ESRP1: variants seen among roughly 807,000 people sequenced by gnomAD.
ESRP1 encodes RNA-binding motif protein 35A.
Under a neutral mutation model 81.7 loss-of-function variants are expected in ESRP1, and 33 were observed. The observed-to-expected ratio is 0.40, with a 90% CI of 0.31 to 0.54. The LOEUF is 0.54. Among genes scored for constraint, ESRP1 ranks in the 20% least tolerant of loss-of-function variants. The pLI is 0.41. For missense variants in ESRP1, 672 were observed against 833.1 expected (o/e 0.81, Z 2.38); for synonymous variants, 320 against 303.3 (o/e 1.06, Z -0.57).
At chr8:94,690,409 AG>A (rs1373453103) in intron 13 of ESRP1, among the ~76,000 whole-genome samples, 1 of 150,344 alleles carries the variant, frequency 6.7e-6, no homozygotes, top group Non-Finnish European at 1.5e-5. Context: ...CTGGGATCAC[AG>A]GTATGAGCCA....
intron 13 of ESRP1, among the ~76,000 whole-genome samples, chr8:94,680,521 G>A (rs549602484): frequency 2.1e-4 from 32 of 152,096 alleles, no homozygotes; most frequent in African/African-American, 6.8e-4. Context: ...TCCGCCTCCC[G>A]GGATCAAGCT....
chr8:94,702,552 A>G (rs901370573), intron 15 of ESRP1, among the ~76,000 whole-genome samples: 21 of 152,196 alleles, frequency 1.4e-4, no homozygotes, highest in Admixed American at 1.2e-3. Flanking sequence ...TTTTCCATTT[A>G]GATAATCTGA....
At chr8:94,646,809 C>T (rs1198583792) in intron 4 of ESRP1, among the ~76,000 whole-genome samples, 1 of 152,080 alleles carries the variant, frequency 6.6e-6, no homozygotes, top group Admixed American at 6.5e-5. Context: ...GGATTGTCCC[C>T]CACATTCTTT....
In ESRP1 at chr8:94,643,277, T is replaced by C; in HGVS notation, c.262-26T>C. 3 of 1,463,976 alleles carry C rather than the reference T, an allele frequency of 2.0e-6. No individual in the cohort carries two copies. In the East Asian group the frequency reaches 6.8e-5, roughly 33 times the overall value. The allele number at this position is 1,463,976 out of a possible 1,614,324, so 90.7% of individuals were successfully genotyped here. ...GTTTGTAAATCGTGCATCAGTTGCA[T>C]CCCTATGTGTATCTTGTTCTTGCAG... On this transcript the variant is annotated intron_variant, in intron 2 of 15. Coordinates refer to ENST00000433389, the MANE Select transcript of ESRP1 (RefSeq NM_017697.4).
chr8:94,650,262 TG>T (rs1181644915), intron 4 of ESRP1, among the ~76,000 whole-genome samples: 1 of 47,372 alleles, frequency 2.1e-5, no homozygotes, highest in Non-Finnish European at 6.0e-5. Context: ...TTGTTTGTTT[TG>T]TTTTTTTTTA....
In ESRP1 at chr8:94,647,037, A is replaced by G. The variant is rs555725815; in HGVS notation, c.490+755A>G. Among the ~76,000 whole-genome samples, 12 of 152,290 alleles carry G rather than the reference A, an allele frequency of 7.9e-5. No homozygotes were observed. The East Asian group carries it at 2.3e-3, about 29-fold the overall frequency. On this transcript the variant is annotated intron_variant, in intron 4 of 15. Coordinates refer to ENST00000433389, the MANE Select transcript of ESRP1 (RefSeq NM_017697.4). ...CTGTGAGAGTCATCATGAAGTTAAAACTAAGTTAACTTCAGTAGCTTGTGG... is the reference window on the plus strand; with the variant it reads ...CTGTGAGAGTCATCATGAAGTTAAAGCTAAGTTAACTTCAGTAGCTTGTGG...
chr8:94,647,308 A>G (rs1267356152), intron 4 of ESRP1, among the ~76,000 whole-genome samples: 1 of 152,228 alleles, frequency 6.6e-6, no homozygotes, highest in African/African-American at 2.4e-5. Flanking sequence ...GAATTCTTAC[A>G]AGAATTTTGT....
intron 13 of ESRP1, 150 bp downstream of exon 13, chr8:94,678,521 T>G: frequency 2.2e-6 from 2 of 915,878 alleles, no homozygotes; most frequent in South Asian, 1.8e-5. Flanking sequence ...CCAAGAAGGT[T>G]GTTTCAAGAC....
At position 94,705,685 on chromosome 8, in the gene ESRP1, G is replaced by T. The variant is rs1563555640; in HGVS notation, c.*36-240G>T. The T allele has an allele frequency of 8.3e-6, 4 of 484,468 alleles. No individual in the cohort carries two copies. In the East Asian group the frequency reaches 1.4e-4, roughly 16 times the overall value. 30.0% of individuals were successfully genotyped at this position (484,468 alleles called of 1,614,324 possible). On this transcript the variant is annotated intron_variant, in intron 15 of 15. Transcript: ENST00000433389. ...ACACATGATACTACAAAGGGTAGGA[G>T]TGGTGCAGAACGCCAACTACTGTGT... is the stretch of plus-strand genomic sequence containing the variant.
Position 94,643,320 on chromosome 8 carries a change from C to T in ESRP1, c.279C>T (p.Ser93=), listed in dbSNP as rs1356967103. Residue 93 remains serine (S), a synonymous_variant, in exon 3 of 16, where the codon AGC becomes AGT. Transcript: ENST00000433389. ...TCTTGCAGTTTAACCAGTCAGTGAG[C>T]AATGAACTGAATATTGGAGTAGGGA... is the stretch of plus-strand genomic sequence containing the variant. ...QALRQFNQSV[S]NELNIGVGTS... is the part of the protein sequence containing the mutation. 6.2e-7 allele frequency: 1 copy of T among 1,610,590 alleles called. No individual in the cohort carries two copies. The highest frequency in any genetic ancestry group is 1.7e-5 in the Admixed American group (1 of 60,006).
At chr8:94,695,579 G>A (rs1218127116) in intron 14 of ESRP1, among the ~76,000 whole-genome samples, 1 of 151,076 alleles carries the variant, frequency 6.6e-6, no homozygotes, top group Non-Finnish European at 1.5e-5. Context: ...TGGCCAGGCT[G>A]GTCTCGAACT....
At chr8:94,689,581 A>AT (rs1203770373) in intron 13 of ESRP1, among the ~76,000 whole-genome samples, 1 of 151,744 alleles carries the variant, frequency 6.6e-6, no homozygotes. Context: ...TTATCTTGCC[A>AT]TTTTTATAAT....
intron 6 of ESRP1, among the ~76,000 whole-genome samples, chr8:94,663,784 G>C (rs932175924): frequency 6.6e-6 from 1 of 152,118 alleles, no homozygotes; most frequent in Non-Finnish European, 1.5e-5. Flanking sequence ...AAATGTGAAC[G>C]TGGGAGGGAT....
intron 4 of ESRP1, among the ~76,000 whole-genome samples, chr8:94,657,782 T>C (rs908753958): frequency 6.6e-6 from 1 of 152,254 alleles, no homozygotes; most frequent in African/African-American, 2.4e-5. Context: ...TCTTCTTCAG[T>C]TGGCTTTTAT....
chr8:94,681,899 A>C (rs1808905253), intron 13 of ESRP1, among the ~76,000 whole-genome samples: 1 of 152,228 alleles, frequency 6.6e-6, no homozygotes, highest in Non-Finnish European at 1.5e-5. Flanking sequence ...ATGCCACTGC[A>C]CTCCAGTCTG....
chr8:94,705,923 A>G lies in ESRP1; in HGVS notation c.*36-2A>G, dbSNP rs1339709081. The G allele has an allele frequency of 1.5e-6, 2 of 1,364,394 alleles. No individual in the cohort carries two copies. Among genetic ancestry groups the G allele is most frequent in the East Asian group, 2.8e-5 (1 of 36,090 alleles). 84.5% of individuals were successfully genotyped at this position (1,364,394 alleles called of 1,614,324 possible). On this transcript the variant is annotated splice_acceptor_variant, in intron 15 of 15. Transcript: ENST00000433389. LOFTEE classifies it low-confidence loss of function (3UTR_SPLICE). ...ATTCACTTTTTTTTTTTTTTTTTTCAGTGTTTGAAAGATGTATGGTGATCT... is the reference window on the plus strand; with the variant it reads ...ATTCACTTTTTTTTTTTTTTTTTTCGGTGTTTGAAAGATGTATGGTGATCT...
chr8:94,646,189 T>C lies in ESRP1; in HGVS notation c.397T>C (p.Phe133Leu), dbSNP rs749676599. 6.2e-6 allele frequency: 10 copies of C among 1,610,634 alleles called. No individual in the cohort carries two copies. The highest frequency in any genetic ancestry group is 2.2e-5 in the East Asian group (1 of 44,784). The change falls in exon 4 of 16, where the codon TTC becomes CTC. Residue 133 changes from phenylalanine (F) to leucine (L), a missense_variant. Physicochemically the swap from Phe to Leu is conservative, Grantham distance 22. Coordinates refer to ENST00000433389, the MANE Select transcript of ESRP1 (RefSeq NM_017697.4). ...SKKNVLLPEC[F>L]YSFFDLRKEF... ...TCAGAATGTACTATTACCTGAATGC[T>C]TCTATTCCTTTTTTGATCTTCGAAA...
intron 14 of ESRP1, among the ~76,000 whole-genome samples, chr8:94,695,497 C>T (rs148166963): frequency 0.022 from 3,256 of 149,732 alleles, 109 homozygotes; most frequent in African/African-American, 0.074. Flanking sequence ...TGGGATTACA[C>T]GTGTGCCACC....
At chr8:94,674,152 G>C (rs563579991) in intron 11 of ESRP1, among the ~76,000 whole-genome samples, 156 bp from the exon 12 acceptor site, 4 of 152,290 alleles carry the variant, frequency 2.6e-5, no homozygotes, top group Admixed American at 2.6e-4. Context: ...GTGATGAAAT[G>C]CAAGTCAGGT....
Sources: gnomAD v4.1 joint callset for allele counts (sites outside exome capture counted in the v4.1 genomes callset) on GRCh38, gnomAD v4.1.1 for gene constraint, MANE v1.5 for transcripts, NCBI Gene and HGNC (gene_info 2026-07-23, HGNC 2026-07-21) for gene names.